The following FRMD6 variants were observed in gnomAD, a reference collection of about 807,000 sequenced individuals.
The protein encoded by FRMD6 is FERM domain containing 6, also known as FERM domain-containing protein 6.
In FRMD6, 37 loss-of-function variants were observed where a neutral mutation model predicts 73.2. That is an observed-to-expected ratio of 0.51 (90% CI 0.39 to 0.66). The LOEUF (loss-of-function observed/expected upper bound fraction) is 0.66, where lower values mean the gene tolerates loss of function less well. Among genes scored for constraint, FRMD6 ranks in the 30% least tolerant of loss-of-function variants. The pLI, the probability that FRMD6 is intolerant of heterozygous loss-of-function variation, is 0.00. For synonymous variants in FRMD6, 273 were observed against 282.2 expected (o/e 0.97, Z 0.33); for missense variants, 714 against 780.5 (o/e 0.91, Z 1.02).
chr14:51,533,776 C>T (rs944956829), intron 1 of FRMD6, among the ~76,000 whole-genome samples: 6 of 152,134 alleles, frequency 3.9e-5, no homozygotes, highest in Non-Finnish European at 8.8e-5. Flanking sequence ...CTGTTTCCTC[C>T]TAGGATGCCA....
intron 1 of FRMD6, among the ~76,000 whole-genome samples, chr14:51,510,718 T>C (rs1053096520): frequency 2.0e-5 from 3 of 152,212 alleles, no homozygotes; most frequent in African/African-American, 7.2e-5. Context: ...AATTGGTCTC[T>C]ACATCCAGAG....
chr14:51,501,420 C>T (rs1464611781), intron 1 of FRMD6, among the ~76,000 whole-genome samples: 1 of 152,104 alleles, frequency 6.6e-6, no homozygotes, highest in Admixed American at 6.6e-5. Flanking sequence ...ACCATGTGCC[C>T]ATGCATTCTC....
At chr14:51,687,044 G>C (rs1594733155) in intron 1 of FRMD6, among the ~76,000 whole-genome samples, 1 of 152,008 alleles carries the variant, frequency 6.6e-6, no homozygotes, top group African/African-American at 2.4e-5. Flanking sequence ...TATCGACTCT[G>C]CTTTTATTAC....
intron 2 of FRMD6, among the ~76,000 whole-genome samples, chr14:51,634,675 G>T (rs1417665672): frequency 2.6e-5 from 4 of 152,020 alleles, no homozygotes; most frequent in Non-Finnish European, 5.9e-5. Flanking sequence ...TTAAAACACT[G>T]GAAAAGGAAA....
intron 2 of FRMD6, among the ~76,000 whole-genome samples, chr14:51,608,077 C>G (rs1384217040): frequency 3.9e-5 from 6 of 152,186 alleles, no homozygotes; most frequent in Non-Finnish European, 5.9e-5. Context: ...TTTACTCTCT[C>G]CCACACAGCT....
At chr14:51,700,655 C>T (rs1237255887) in intron 3 of FRMD6, among the ~76,000 whole-genome samples, 1 of 151,944 alleles carries the variant, frequency 6.6e-6, no homozygotes, top group African/African-American at 2.4e-5. Context: ...TGTTTCTGCC[C>T]TGCTTTATTA....
In FRMD6 at chr14:51,720,196, A is replaced by G. The variant is rs767142299; in HGVS notation, c.1166A>G (p.His389Arg). The G allele has an allele frequency of 1.9e-6, 3 of 1,614,118 alleles. No individual in the cohort carries two copies. The highest frequency in any genetic ancestry group is 2.5e-6 in the Non-Finnish European group (3 of 1,180,036). Residue 389 changes from histidine to arginine, a missense_variant, in exon 11 of 14, where the codon CAC (histidine) becomes CGC (arginine). By Grantham distance (29) the His-to-Arg change is conservative (BLOSUM62 0). Coordinates refer to ENST00000344768, the MANE Select transcript of FRMD6 (RefSeq NM_001267046.2). ...CTGTCCCGTCATTCCACCGCCAGCC[A>G]CAGCAGTTCCCACACCTCGGGCATT... The part of the protein sequence containing the change: ...KRLSRHSTAS[H>R]SSSHTSGIEA...
intron 1 of FRMD6, among the ~76,000 whole-genome samples, chr14:51,659,221 G>A (rs1280127731): frequency 6.6e-6 from 1 of 152,182 alleles, no homozygotes; most frequent in African/African-American, 2.4e-5. Context: ...AGTAAAGTGG[G>A]AGATAGTTAT....
At chr14:51,603,628 T>C (rs1890127682) in intron 2 of FRMD6, among the ~76,000 whole-genome samples, 1 of 152,288 alleles carries the variant, frequency 6.6e-6, no homozygotes, top group East Asian at 1.9e-4. Context: ...AATGTTCTCC[T>C]GGGAGACAGT....
chr14:51,667,761 T>G (rs2140213900), intron 1 of FRMD6, among the ~76,000 whole-genome samples: 1 of 152,336 alleles, frequency 6.6e-6, no homozygotes, highest in South Asian at 2.1e-4. Flanking sequence ...CAGGAACAGT[T>G]TTTAATAAAT....
intron 1 of FRMD6, among the ~76,000 whole-genome samples, chr14:51,525,697 T>G (rs370326363): frequency 1.3e-5 from 2 of 152,198 alleles, no homozygotes; most frequent in Non-Finnish European, 2.9e-5. Flanking sequence ...TTTGTGTTAA[T>G]TGCATCACCA....
intron 2 of FRMD6, among the ~76,000 whole-genome samples, chr14:51,629,660 T>A (rs1891262866): frequency 6.6e-6 from 1 of 152,200 alleles, no homozygotes; most frequent in African/African-American, 2.4e-5. Context: ...TTTCTTGTGT[T>A]AGTTAAATAA....
intron 2 of FRMD6, among the ~76,000 whole-genome samples, chr14:51,697,048 C>T (rs909846134): frequency 2.0e-5 from 3 of 152,042 alleles, no homozygotes; most frequent in African/African-American, 4.8e-5. Context: ...AAAGGGAACC[C>T]TTGTACACTG....
chr14:51,458,200 T>C, the FRMD6 span, among the ~76,000 whole-genome samples: 1 of 152,240 alleles, frequency 6.6e-6, no homozygotes, highest in Non-Finnish European at 1.5e-5. Flanking sequence ...TGTGTTGATA[T>C]GATACGAGAG....
At chr14:51,401,698 G>A in the FRMD6 span, among the ~76,000 whole-genome samples, 1 of 150,810 alleles carries the variant, frequency 6.6e-6, no homozygotes, top group African/African-American at 2.4e-5. Context: ...GCTCGAATGG[G>A]ACGCTGACAG....
rs1423251467 is a variant in FRMD6 at position 51,689,621 on chromosome 14, A to G, written c.-146-70A>G. ...CCACAATAGTAGTGGTGCTGTGCTT[A>G]TCTTCCTGACGCGCTCTTCGCAGTC... On this transcript the variant is annotated intron_variant, in intron 1 of 13. Coordinates refer to ENST00000344768, the MANE Select transcript of FRMD6 (RefSeq NM_001267046.2). The G allele has an allele frequency of 5.4e-6, 3 of 558,660 alleles. No homozygotes were observed. In the African/African-American group the frequency reaches 5.6e-5, roughly 10 times the overall value. The allele number at this position is 558,660 out of a possible 1,614,324, so 34.6% of individuals were successfully genotyped here.
chr14:51,412,264 G>A, the FRMD6 span, among the ~76,000 whole-genome samples: 1 of 152,050 alleles, frequency 6.6e-6, no homozygotes, highest in Non-Finnish European at 1.5e-5. Context: ...TTGTTCAAGT[G>A]TGTCTCTTGG....
chr14:51,433,571 G>A, the FRMD6 span, among the ~76,000 whole-genome samples: 25,301 of 152,120 alleles, frequency 0.17, 2,345 homozygotes, highest in Middle Eastern at 0.27. Context: ...CTTCACTAAC[G>A]GAACGTGTTG....
At chr14:51,705,504 TC>T (rs1473915742) in intron 6 of FRMD6, among the ~76,000 whole-genome samples, 9 of 152,086 alleles carry the variant, frequency 5.9e-5, no homozygotes, top group African/African-American at 2.2e-4. Context: ...CTGTCTCTCT[TC>T]TATATCATTA....
Sources: gnomAD v4.1 joint callset for allele counts (sites outside exome capture counted in the v4.1 genomes callset) on GRCh38, gnomAD v4.1.1 for gene constraint, MANE v1.5 for transcripts, NCBI Gene and HGNC (gene_info 2026-07-23, HGNC 2026-07-21) for gene names.